The following NAMPT variants were observed in gnomAD, a reference collection of about 807,000 sequenced individuals.
NAMPT encodes the protein nicotinamide phosphoribosyltransferase.
A neutral mutation model predicts 58.7 loss-of-function variants in NAMPT; 7 were observed. The ratio of observed to expected loss-of-function variants is 0.12; its 90% confidence interval spans 0.07 to 0.22. NAMPT has a LOEUF of 0.22. NAMPT is among the 10% of genes least tolerant of loss of function. The probability of loss-of-function intolerance (pLI) is 1.00; values close to 1 mark genes in which losing one functional copy is unlikely to be tolerated. For missense variants in NAMPT, 271 were observed against 567.9 expected (o/e 0.48, Z 5.31); for synonymous variants, 145 against 198.1 (o/e 0.73, Z 2.25).
chr7:106,284,733 CCCCAA>C, intron 1 of NAMPT, 90 bp downstream of exon 1: 4 of 661,954 alleles, frequency 6.0e-6, no homozygotes, highest in Non-Finnish European at 8.4e-6. Flanking sequence ...CCAGCCCCAG[CCCCAA>C]CCCCAGCCCC....
At chr7:106,284,174 G>A (rs966952341) in intron 1 of NAMPT, among the ~76,000 whole-genome samples, 5 of 152,214 alleles carry the variant, frequency 3.3e-5, no homozygotes, top group Non-Finnish European at 5.9e-5. Context: ...TAAGGAGCAC[G>A]AGCAATCACT....
At chr7:106,274,906 G>C (rs1792604313) in intron 3 of NAMPT, 40 bp downstream of exon 3, 2 of 1,397,928 alleles carry the variant, frequency 1.4e-6, no homozygotes, top group Non-Finnish European at 2.0e-6. Context: ...TGAACTGAAA[G>C]AAAAACCAAA....
intron 1 of NAMPT, among the ~76,000 whole-genome samples, chr7:106,277,566 C>T (rs534724623): frequency 4.6e-5 from 7 of 152,290 alleles, no homozygotes; most frequent in Admixed American, 2.6e-4. Flanking sequence ...GCTAATATCT[C>T]AATGTGGTAT....
intron 2 of NAMPT, chr7:106,275,896 G>C (rs1252714332): frequency 1.3e-5 from 2 of 152,226 alleles, no homozygotes; most frequent in Non-Finnish European, 2.9e-5. Context: ...AGGCATGGTG[G>C]TGCGAGCCTG....
intron 8 of NAMPT, 182 bp downstream of exon 8, chr7:106,261,406 G>T (rs962178087): frequency 9.4e-5 from 45 of 481,202 alleles, no homozygotes; most frequent in South Asian, 2.7e-4. Context: ...AGTATGGCTT[G>T]GCTGGCACCT....
intron 2 of NAMPT, 62 bp downstream of exon 2, chr7:106,276,961 A>G: frequency 7.0e-6 from 9 of 1,280,500 alleles, no homozygotes; most frequent in Non-Finnish European, 1.0e-5. Flanking sequence ...AAATTCTAAA[A>G]GAACTCCTAA....
At chr7:106,279,737 A>G (rs1792723358) in intron 1 of NAMPT, among the ~76,000 whole-genome samples, 1 of 152,230 alleles carries the variant, frequency 6.6e-6, no homozygotes, top group Non-Finnish European at 1.5e-5. Context: ...TCAAAGGACT[A>G]ATAAGGGCTG....
At chr7:106,283,360 G>A (rs1312300035) in intron 1 of NAMPT, among the ~76,000 whole-genome samples, 1 of 151,896 alleles carries the variant, frequency 6.6e-6, no homozygotes, top group Non-Finnish European at 1.5e-5. Flanking sequence ...ATGGTTAGAG[G>A]AACTGCAAAC....
intron 9 of NAMPT, among the ~76,000 whole-genome samples, chr7:106,253,896 A>C (rs562897109): frequency 2.0e-5 from 3 of 152,068 alleles, no homozygotes; most frequent in Non-Finnish European, 4.4e-5. Flanking sequence ...CGTTACAAAG[A>C]AGCAAGGGGG....
At chr7:106,283,944 C>G (rs1792813595) in intron 1 of NAMPT, among the ~76,000 whole-genome samples, 1 of 152,236 alleles carries the variant, frequency 6.6e-6, no homozygotes, top group African/African-American at 2.4e-5. Context: ...TTTACCTCTT[C>G]CCTTCACTAC....
intron 1 of NAMPT, among the ~76,000 whole-genome samples, chr7:106,279,929 T>C (rs1015196762): frequency 2.6e-5 from 4 of 151,634 alleles, no homozygotes; most frequent in African/African-American, 7.3e-5. Context: ...GGCAGGCCAA[T>C]GTGGTAGGTA....
intron 9 of NAMPT, 81 bp from the exon 10 acceptor site, chr7:106,253,232 A>G: frequency 6.8e-7 from 1 of 1,466,618 alleles, no homozygotes; most frequent in East Asian, 2.3e-5. Context: ...AAAAAAGCAC[A>G]TACATAATTT....
intron 10 of NAMPT, 146 bp downstream of exon 10, chr7:106,252,871 G>C (rs1792127995): frequency 1.1e-6 from 1 of 946,848 alleles, no homozygotes. Context: ...TCTTATTTTG[G>C]TAGGCCAGGT....
chr7:106,252,936 T>G, intron 10 of NAMPT, 81 bp downstream of exon 10: 3 of 1,488,336 alleles, frequency 2.0e-6, no homozygotes, highest in South Asian at 2.5e-5. Context: ...ACAAAAACAA[T>G]AACATAAAAA....
intron 7 of NAMPT, 65 bp downstream of exon 7, chr7:106,263,327 A>T (rs770800027): frequency 1.2e-5 from 14 of 1,152,740 alleles, no homozygotes; most frequent in Non-Finnish European, 1.8e-5. Context: ...TATAAATGAA[A>T]AGTAGTATTG....
chr7:106,263,339 T>C (rs781535814), intron 7 of NAMPT, 53 bp downstream of exon 7: 1 of 1,274,224 alleles, frequency 7.8e-7, no homozygotes, highest in African/African-American at 1.5e-5. Context: ...GTAGTATTGA[T>C]GCAGCTGGCC....
intron 6 of NAMPT, chr7:106,268,240 G>A: frequency 5.5e-6 from 2 of 365,218 alleles, no homozygotes; most frequent in Non-Finnish European, 9.8e-6. Flanking sequence ...GGCAATATAA[G>A]TATTGGAAAA....
At position 106,259,397 on chromosome 7, in the gene NAMPT, G is replaced by A. The variant is rs141239998; in HGVS notation, c.1089+2191C>T. Among the ~76,000 whole-genome samples the A allele has an allele frequency of 4.7e-3, 714 of 152,236 alleles. 7 individuals are homozygous for A. The highest frequency in any genetic ancestry group is 0.016 in the African/African-American group (664 of 41,546). ...GATGTTCTTAAATGGCATCTAGAATGGTGAACCCTTTCAGCTACAGACTTA... is the reference window on the plus strand; with the variant it reads ...GATGTTCTTAAATGGCATCTAGAATAGTGAACCCTTTCAGCTACAGACTTA... On this transcript the variant is annotated intron_variant, in intron 8 of 10. Transcript: ENST00000222553.
intron 6 of NAMPT, 139 bp from the exon 7 acceptor site, chr7:106,263,756 T>A: frequency 1.4e-6 from 1 of 703,068 alleles, no homozygotes; most frequent in Non-Finnish European, 2.5e-6. Flanking sequence ...TTAATGAATA[T>A]ACATCGTAAG....
Sources: allele counts gnomAD v4.1 joint callset (sites outside exome capture counted in the v4.1 genomes callset), GRCh38; gene constraint gnomAD v4.1.1; transcripts MANE v1.5; gene names NCBI Gene and HGNC (gene_info 2026-07-23, HGNC 2026-07-21).